EPS15L1: variants seen among roughly 807,000 people sequenced by gnomAD.
EPS15L1 encodes epidermal growth factor receptor substrate 15-like 1.
Under a neutral mutation model 117.1 loss-of-function variants are expected in EPS15L1, and 43 were observed. The observed-to-expected ratio is 0.37, with a 90% CI of 0.29 to 0.47. EPS15L1 has a LOEUF of 0.47. Ranked by LOEUF, EPS15L1 falls within the 20% of genes least tolerant of loss-of-function variation. EPS15L1 has a pLI of 0.99. For missense variants in EPS15L1, 981 were observed against 1,164.0 expected, an observed-to-expected ratio of 0.84 and a Z score of 2.29; for synonymous variants, 459 against 470.5, an observed-to-expected ratio of 0.98 and a Z score of 0.32.
chr19:16,400,690 G>A, intron 16 of EPS15L1: 1 of 985,436 alleles, frequency 1.0e-6, no homozygotes, highest in African/African-American at 1.7e-5. Context: ...TCGGATGCCA[G>A]TTGCAAGTTT....
At position 16,405,210 on chromosome 19, in the gene EPS15L1, G is replaced by A. The variant is rs922128952; in HGVS notation, c.1267-461C>T. Among the ~76,000 whole-genome samples, 2 of 152,198 alleles carry A rather than the reference G, an allele frequency of 1.3e-5. No individual in the cohort carries two copies. Among genetic ancestry groups the A allele is most frequent in the African/African-American group, 4.8e-5 (2 of 41,446 alleles). The stretch of plus-strand genomic sequence containing the variant: ...CCAACAGGTGAGCAGGTGCCAGGCA[G>A]GTGAAGAGCCAGGGACAGAGCCTGG... On this transcript the variant is annotated intron_variant, in intron 13 of 23. Transcript: ENST00000455140. This position sits in a 1 kb window ranked among gnomAD's most constrained non-coding sequence, Gnocchi z 4.0.
chr19:16,377,072 G>A (rs1463068901), intron 22 of EPS15L1, 50 bp downstream of exon 22: 13 of 1,546,928 alleles, frequency 8.4e-6, no homozygotes, highest in South Asian at 2.5e-5. Context: ...CTGGTCCCCC[G>A]CCATCCGGCA....
chr19:16,467,429 C>T (rs564075644), intron 1 of EPS15L1, among the ~76,000 whole-genome samples: 10 of 152,146 alleles, frequency 6.6e-5, no homozygotes, highest in South Asian at 2.1e-4. Context: ...GGATTACAGG[C>T]GTCAGCCACT....
chr19:16,468,409 G>A (rs983781488), intron 1 of EPS15L1, among the ~76,000 whole-genome samples: 1 of 152,272 alleles, frequency 6.6e-6, no homozygotes, highest in East Asian at 1.9e-4. Context: ...GCAGTGGCGC[G>A]ATCTCAGCTC....
rs928879155 is a variant in EPS15L1 at position 16,471,954 on chromosome 19, G to C, written c.-9C>G. The C allele has an allele frequency of 6.2e-6, 8 of 1,285,972 alleles. No homozygotes were observed. In the Admixed American group the frequency reaches 2.4e-4, roughly 39 times the overall value. 79.7% of individuals were successfully genotyped at this position (1,285,972 alleles called of 1,614,324 possible). A position where few individuals can be genotyped will look rare whatever the true frequency, so the allele number is the denominator to read the frequency against. On this transcript the variant is annotated 5_prime_UTR_variant, in exon 1 of 24. Coordinates refer to ENST00000455140, the MANE Select transcript of EPS15L1 (RefSeq NM_001258374.3). This position sits in a 1 kb window ranked among gnomAD's most constrained non-coding sequence, Gnocchi z 4.8. ...ATGAGCGGCGCCGCCATCTTCCCGC[G>C]GACTCGGGCTCCGAGCGCCGGGGGA...
Position 16,471,721 on chromosome 19 carries a change from G to A in EPS15L1, c.33+192C>T, listed in dbSNP as rs111855428. ...CGCCTCGCCGGTGCCCGCGAGGGTCGCTCGGGCACGGGAGGCCGCGGGTCC... is the reference window on the plus strand; with the variant it reads ...CGCCTCGCCGGTGCCCGCGAGGGTCACTCGGGCACGGGAGGCCGCGGGTCC... On this transcript the variant is annotated intron_variant, in intron 1 of 23. Transcript: ENST00000455140. The surrounding 1 kb of genome is among the most constrained non-coding windows in gnomAD (Gnocchi z 4.8). Among the ~76,000 whole-genome samples, 1 of 151,586 alleles carries A rather than the reference G, an allele frequency of 6.6e-6. No homozygotes were observed. Among genetic ancestry groups the A allele is most frequent in the Non-Finnish European group, 1.5e-5 (1 of 67,790 alleles).
chr19:16,413,980 T>G, intron 12 of EPS15L1, 135 bp from the exon 13 acceptor site: 4 of 672,314 alleles, frequency 5.9e-6, no homozygotes, highest in Non-Finnish European at 1.1e-5. Context: ...ACCCAGCGAC[T>G]GCTCGCCCTG....
rs770246482 is a variant in EPS15L1, at chr19:16,428,414, G to GGGAAGGAA, written c.558+280_558+287dup. Among the ~76,000 whole-genome samples the GGGAAGGAA allele has an allele frequency of 2.3e-4, 31 of 133,302 alleles. 1 individual carries two copies. The highest frequency in any genetic ancestry group is 6.7e-4 in the African/African-American group (22 of 33,050). The allele number at this position is 133,302 out of a possible 152,430, so 87.5% of individuals were successfully genotyped here. A position where few individuals can be genotyped will look rare whatever the true frequency, so the allele number is the denominator to read the frequency against. ...GAAAGAAAGAAAGAAAAGGGAGGGAGGGAAGGAAGGAAGGAAGGAAGGAAG... is the reference window on the plus strand; with the variant it reads ...GAAAGAAAGAAAGAAAAGGGAGGGAGGGAAGGAAGGAAGGAAGGAAGGAAGGAAGGAAG... On this transcript the variant is annotated intron_variant, in intron 8 of 23. Coordinates refer to ENST00000455140, the MANE Select transcript of EPS15L1 (RefSeq NM_001258374.3).
At chr19:16,452,749 T>C (rs1056638219) in intron 1 of EPS15L1, among the ~76,000 whole-genome samples, 1 of 151,720 alleles carries the variant, frequency 6.6e-6, no homozygotes, top group African/African-American at 2.4e-5. Flanking sequence ...GGGCAGTGGG[T>C]ACATGGGAAT....
chr19:16,406,488 T>C (rs752000990), intron 13 of EPS15L1, among the ~76,000 whole-genome samples: 1 of 152,180 alleles, frequency 6.6e-6, no homozygotes, highest in Non-Finnish European at 1.5e-5. Context: ...AGCCCAATGC[T>C]CCGAGCGATG....
At chr19:16,393,890 C>T (rs1367018073) in intron 18 of EPS15L1, 61 bp downstream of exon 18, 14 of 1,526,738 alleles carry the variant, frequency 9.2e-6, no homozygotes, top group South Asian at 2.2e-5. Flanking sequence ...CCACCACATG[C>T]GACTTCTGAG....
chr19:16,366,664 C>T (rs1044697129), intron 22 of EPS15L1, among the ~76,000 whole-genome samples: 11 of 152,064 alleles, frequency 7.2e-5, no homozygotes, highest in African/African-American at 2.7e-4. Context: ...GTTTTTTTCT[C>T]AGTTGTTAGT....
At chr19:16,366,948 G>T (rs891770388) in intron 22 of EPS15L1, among the ~76,000 whole-genome samples, 2 of 152,072 alleles carry the variant, frequency 1.3e-5, no homozygotes, top group Non-Finnish European at 2.9e-5. Context: ...ATTTTGTGAG[G>T]TATAGCTTAT....
intron 13 of EPS15L1, among the ~76,000 whole-genome samples, chr19:16,407,238 A>G (rs1282753783): frequency 6.6e-6 from 1 of 151,610 alleles, no homozygotes; most frequent in African/African-American, 2.4e-5. Context: ...CACAGTCTCA[A>G]CCCCTCCTCA....
chr19:16,410,177 T>A (rs1031631866), intron 13 of EPS15L1, among the ~76,000 whole-genome samples: 11 of 147,906 alleles, frequency 7.4e-5, no homozygotes, highest in Middle Eastern at 7.0e-3. Context: ...AAGAAAAAAA[T>A]TTTTTCAATA....
chr19:16,392,437 G>C lies in EPS15L1; in HGVS notation c.1970C>G (p.Pro657Arg). The C allele has an allele frequency of 6.2e-7, 1 of 1,613,968 alleles. No homozygotes were observed. The highest frequency in any genetic ancestry group is 8.5e-7 in the Non-Finnish European group (1 of 1,179,882). ...TTCTTTGAAAGGGTCCCCTCCAAATGGATCTAGAAGGAAAAATGCCCCATA... is the reference window on the plus strand; with the variant it reads ...TTCTTTGAAAGGGTCCCCTCCAAATCGATCTAGAAGGAAAAATGCCCCATA... ...FAEQQTTSTD[P>R]FGGDPFKESD... The change falls in exon 19 of 24, where the codon CCA (proline) becomes CGA (arginine). Residue 657 changes from proline (P) to arginine (R), a missense_variant. Transcript: ENST00000455140.
At chr19:16,427,619 TG>T (rs1424989627) in intron 8 of EPS15L1, among the ~76,000 whole-genome samples, 3 of 152,126 alleles carry the variant, frequency 2.0e-5, no homozygotes, top group Non-Finnish European at 4.4e-5. Context: ...AGGCTGGGTG[TG>T]GTGTCTCATG....
chr19:16,380,453 A>G (rs986368624), intron 21 of EPS15L1, among the ~76,000 whole-genome samples: 1 of 152,172 alleles, frequency 6.6e-6, no homozygotes, highest in African/African-American at 2.4e-5. Context: ...GCAGCCGTCT[A>G]AGGCTCTAGT....
intron 1 of EPS15L1, among the ~76,000 whole-genome samples, chr19:16,466,168 A>G (rs1388357397): frequency 1.3e-5 from 2 of 151,986 alleles, no homozygotes; most frequent in African/African-American, 4.8e-5. Flanking sequence ...TTTGTATTTT[A>G]GTAGAGACAG....
Sources: allele counts gnomAD v4.1 joint callset (sites outside exome capture counted in the v4.1 genomes callset), GRCh38; gene constraint gnomAD v4.1.1; non-coding constraint Gnocchi (gnomAD v3.1); transcripts MANE v1.5; gene names NCBI Gene and HGNC (gene_info 2026-07-23, HGNC 2026-07-21).